Variants in TENM2 observed in about 807,000 individuals in gnomAD.
TENM2 encodes the protein teneurin-2.
TENM2 carries 52 observed loss-of-function variants against 245.2 expected under a neutral mutation model. That is an observed-to-expected ratio of 0.21 (90% CI 0.17 to 0.27). The LOEUF (loss-of-function observed/expected upper bound fraction) is 0.27. TENM2 is among the 10% of genes least tolerant of loss of function. The pLI is 1.00. For missense variants in TENM2, 3,046 were observed against 3,666.8 expected (o/e 0.83, Z 4.37); for synonymous variants, 1,363 against 1,438.9 (o/e 0.95, Z 1.19).
chr5:167,402,707 T>C (rs1762427622), intron 2 of TENM2, among the ~76,000 whole-genome samples: 1 of 152,098 alleles, frequency 6.6e-6, no homozygotes, highest in African/African-American at 2.4e-5. Flanking sequence ...TAGCACATAA[T>C]AAATGGTAAA....
rs117943504 is a variant in TENM2 at position 167,940,369 on chromosome 5, T to C, written c.713-12219T>C. ...CAGAGAATAAAATAGCATCTTTGCC[T>C]TCAAGATACTTACTTCCTGGTGCAG... is the stretch of plus-strand genomic sequence containing the variant. On this transcript the variant is annotated intron_variant, in intron 3 of 28. Coordinates refer to ENST00000518659, the Ensembl canonical transcript of TENM2. 3.8e-3 allele frequency among the ~76,000 whole-genome samples: 572 copies of C among 152,312 alleles called. 9 individuals are homozygous for C. In the East Asian group the frequency reaches 0.053, roughly 14 times the overall value.
chr5:167,050,841 T>C, the TENM2 span, among the ~76,000 whole-genome samples: 1 of 152,258 alleles, frequency 6.6e-6, no homozygotes, highest in South Asian at 2.1e-4. Flanking sequence ...GAACTACTAA[T>C]TGGATGAGGA....
chr5:168,248,538 G>A (rs979674569), intron 27 of TENM2, among the ~76,000 whole-genome samples, 167 bp downstream of exon 29: 42 of 152,150 alleles, frequency 2.8e-4, no homozygotes, highest in African/African-American at 7.5e-4. Context: ...GTAGAGAGAC[G>A]GCAGTACAGA....
At chr5:168,143,789 T>A (rs1271907545) in intron 12 of TENM2, among the ~76,000 whole-genome samples, 2 of 151,286 alleles carry the variant, frequency 1.3e-5, no homozygotes, top group Non-Finnish European at 2.9e-5. Flanking sequence ...ATGATACCAG[T>A]ATAAACTGTA....
intron 2 of TENM2, among the ~76,000 whole-genome samples, chr5:167,800,936 A>C (rs1765664112): frequency 6.6e-6 from 1 of 151,784 alleles, no homozygotes; most frequent in African/African-American, 2.4e-5. Context: ...TCTGGAATTT[A>C]TTAGATCTTC....
chr5:167,551,833 T>C (rs1224780857), intron 2 of TENM2, among the ~76,000 whole-genome samples: 2 of 152,190 alleles, frequency 1.3e-5, no homozygotes, highest in Non-Finnish European at 2.9e-5. Flanking sequence ...TTGCTCCTTA[T>C]TGGGACAGCT....
chr5:167,904,213 A>G (rs1234517808), intron 3 of TENM2, among the ~76,000 whole-genome samples: 2 of 152,188 alleles, frequency 1.3e-5, no homozygotes, highest in African/African-American at 4.8e-5. Flanking sequence ...AGTCAATACC[A>G]TCAAGGGGCT....
intron 2 of TENM2, among the ~76,000 whole-genome samples, chr5:167,704,977 A>G (rs1296890580): frequency 6.6e-6 from 1 of 152,130 alleles, no homozygotes; most frequent in South Asian, 2.1e-4. Context: ...CTTGGCATGC[A>G]TTATTGACAG....
chr5:167,392,501 G>T (rs1417345042), intron 2 of TENM2, among the ~76,000 whole-genome samples: 2 of 152,098 alleles, frequency 1.3e-5, no homozygotes, highest in Admixed American at 6.6e-5. Context: ...TGGGACAGCG[G>T]TTTTCTCCTG....
At chr5:167,295,313 G>C (rs1199650298) in intron 1 of TENM2, among the ~76,000 whole-genome samples, 2 of 152,234 alleles carry the variant, frequency 1.3e-5, no homozygotes, top group African/African-American at 2.4e-5. Context: ...AGCATGTTGA[G>C]TTGCACTAAC....
At position 168,190,387 on chromosome 5, in the gene TENM2, CAGAACAGCCTGCTCTGCCGG is replaced by C; in HGVS notation, c.2621_2640del (p.Gln874ArgfsTer24). The C allele has an allele frequency of 6.2e-7, 1 of 1,613,920 alleles. No individual in the cohort carries two copies. On this transcript the variant is annotated frameshift_variant, in exon 14 of 29. Coordinates refer to ENST00000518659, the Ensembl canonical transcript of TENM2. LOFTEE classifies it high-confidence loss of function. The stretch of plus-strand genomic sequence containing the variant: ...TGACTGCTGCCTGCAGTCAGCCTGT[CAGAACAGCCTGCTCTGCCGG>C]GGGTCCCGGGACCCACTGGACATCA...
At chr5:167,214,846 T>G in the TENM2 span, among the ~76,000 whole-genome samples, 2 of 152,216 alleles carry the variant, frequency 1.3e-5, no homozygotes, top group African/African-American at 4.8e-5. Flanking sequence ...GCACAGGGCT[T>G]TCCGCATATT....
intron 2 of TENM2, among the ~76,000 whole-genome samples, chr5:167,548,631 G>T (rs56240653): frequency 1.7e-4 from 26 of 152,094 alleles, no homozygotes; most frequent in Non-Finnish European, 3.5e-4. Context: ...TTCTACAAGG[G>T]TTTCCATAAT....
chr5:167,168,620 G>A, the TENM2 span, among the ~76,000 whole-genome samples: 1 of 152,154 alleles, frequency 6.6e-6, no homozygotes, highest in Admixed American at 6.5e-5. Context: ...TGTTTTCCCA[G>A]ACTTATTTTA....
the TENM2 span, among the ~76,000 whole-genome samples, chr5:167,234,696 A>G: frequency 2.0e-5 from 3 of 152,214 alleles, no homozygotes; most frequent in Non-Finnish European, 4.4e-5. Context: ...ACATTTCAAA[A>G]CAAATAGAAA....
chr5:167,250,930 A>T, the TENM2 span, among the ~76,000 whole-genome samples: 4 of 152,066 alleles, frequency 2.6e-5, no homozygotes, highest in Non-Finnish European at 5.9e-5. Context: ...AGTTATATTG[A>T]TTGGATGGTG....
the TENM2 span, among the ~76,000 whole-genome samples, chr5:167,131,294 A>G: frequency 4.6e-5 from 7 of 152,210 alleles, no homozygotes; most frequent in Non-Finnish European, 1.0e-4. Flanking sequence ...ATCAGAGTAT[A>G]AAAGGTGAGG....
intron 9 of TENM2, among the ~76,000 whole-genome samples, chr5:168,099,758 C>T (rs760592040): frequency 8.5e-5 from 13 of 152,104 alleles, no homozygotes; most frequent in Admixed American, 3.9e-4. Flanking sequence ...TCCAGGCTTA[C>T]GAATGCTGAT....
At chr5:168,047,486 A>C (rs1788707356) in exon 6 of TENM2, 1 of 1,551,726 alleles carries the variant, frequency 6.4e-7, no homozygotes, top group Non-Finnish European at 8.7e-7. Flanking sequence ...CACCTTTAAC[A>C]ATGGGATAAG....
Sources: gnomAD v4.1 joint callset for allele counts (sites outside exome capture counted in the v4.1 genomes callset) on GRCh38, gnomAD v4.1.1 for gene constraint, MANE v1.5 for transcripts, NCBI Gene and HGNC (gene_info 2026-07-23, HGNC 2026-07-21) for gene names.